The following TP53BP2 variants were observed in gnomAD, a reference collection of about 807,000 sequenced individuals.
The protein encoded by TP53BP2 is apoptosis-stimulating of p53 protein 2.
A neutral mutation model predicts 126.2 loss-of-function variants in TP53BP2; 62 were observed. The observed-to-expected ratio is 0.49, with a 90% confidence interval of 0.40 to 0.61. TP53BP2 has a LOEUF of 0.61. Among genes scored for constraint, TP53BP2 ranks in the 20% least tolerant of loss-of-function variants. The pLI is 0.00. For synonymous variants in TP53BP2, 485 were observed against 502.9 expected, an observed-to-expected ratio of 0.96 and a Z score of 0.48; for missense variants, 1,215 against 1,402.8, an observed-to-expected ratio of 0.87 and a Z score of 2.14.
At chr1:223,802,431 T>C in intron 8 of TP53BP2, 87 bp from the exon 9 acceptor site, 1 of 1,341,284 alleles carries the variant, frequency 7.5e-7, no homozygotes. Flanking sequence ...TTTCTTACTT[T>C]TTAAAATGAG....
intron 7 of TP53BP2, 130 bp downstream of exon 7, chr1:223,803,141 G>T: frequency 1.7e-6 from 2 of 1,150,106 alleles, no homozygotes; most frequent in Non-Finnish European, 2.5e-6. Flanking sequence ...TCTGGAGTTT[G>T]GGTTCCCCCC....
chr1:223,803,998 T>TA (rs772936899), intron 6 of TP53BP2, among the ~76,000 whole-genome samples, 176 bp downstream of exon 6: 11 of 152,188 alleles, frequency 7.2e-5, no homozygotes, highest in Non-Finnish European at 1.2e-4. Context: ...TAAAGTTATC[T>TA]ACAGATCAAC....
intron 2 of TP53BP2, chr1:223,818,343 A>C (rs946403356): frequency 1.3e-5 from 2 of 151,980 alleles, no homozygotes; most frequent in African/African-American, 4.8e-5. Flanking sequence ...CTCTACTAAA[A>C]ATACAAAAAA....
chr1:223,817,140 C>T (rs766846397), intron 2 of TP53BP2, among the ~76,000 whole-genome samples: 3 of 149,380 alleles, frequency 2.0e-5, no homozygotes, highest in Non-Finnish European at 4.4e-5. Context: ...CCAGCCTGGG[C>T]GACACAGCAA....
intron 14 of TP53BP2, among the ~76,000 whole-genome samples, chr1:223,792,819 C>A (rs1172786597): frequency 6.6e-6 from 1 of 150,856 alleles, no homozygotes. Context: ...CAGCTTCTCA[C>A]CACAAATTAG....
rs754183423 is a variant in TP53BP2 at position 223,796,133 on chromosome 1, G to T, written c.2406C>A (p.Pro802=). The T allele has an allele frequency of 6.2e-7, 1 of 1,614,072 alleles. No individual in the cohort carries two copies. The highest frequency in any genetic ancestry group is 1.3e-5 in the African/African-American group (1 of 75,010). Residue 802 remains proline (P), a synonymous_variant, in exon 13 of 18, where the codon CCC becomes CCA. Transcript: ENST00000343537. This position sits in a 1 kb window ranked among gnomAD's most constrained non-coding sequence, Gnocchi z 4.2. ...EIQNPYLHVE[P]EKEVVSLVPE... ...GAACCAGAGAGACCACCTCCTTTTC[G>T]GGCTCCACATGTAAATATGGATTCT... is the stretch of plus-strand genomic sequence containing the variant.
intron 1 of TP53BP2, 80 bp from the exon 2 acceptor site, chr1:223,821,447 C>T: frequency 6.3e-7 from 1 of 1,583,810 alleles, no homozygotes; most frequent in Non-Finnish European, 8.7e-7. Flanking sequence ...TTTCTCCAAA[C>T]AAAATCTCAG....
At chr1:223,791,290 AT>A (rs896799531) in intron 15 of TP53BP2, among the ~76,000 whole-genome samples, 14 of 147,778 alleles carry the variant, frequency 9.5e-5, no homozygotes, top group South Asian at 2.1e-4. Flanking sequence ...ATAAAAAATA[AT>A]TTTTTTTTAA....
At chr1:223,818,155 G>C (rs1037458665) in intron 2 of TP53BP2, 1 of 152,508 alleles carries the variant, frequency 6.6e-6, no homozygotes, top group African/African-American at 2.4e-5. Flanking sequence ...TACATCAAGA[G>C]ATCAGGGGAA....
Position 223,802,321 on chromosome 1 carries a change from G to A in TP53BP2, c.1020C>T (p.Pro340=), listed in dbSNP as rs746022899. Residue 340 remains proline (P), a synonymous_variant, in exon 9 of 18, where the codon CCC becomes CCT. Coordinates refer to ENST00000343537, the MANE Select transcript of TP53BP2 (RefSeq NM_001031685.3). ...NLPVSSDGNL[P]QQAASAPSRV... ...GGCTTGGGGCTGACGCGGCTTGCTG[G>A]GGAAGATTTCCATCAGATGAAACCT... 8.1e-6 allele frequency: 13 copies of A among 1,613,978 alleles called. No individual in the cohort carries two copies. Among genetic ancestry groups the A allele is most frequent in the Non-Finnish European group, 8.5e-6 (10 of 1,180,020 alleles).
intron 17 of TP53BP2, among the ~76,000 whole-genome samples, chr1:223,783,118 T>G (rs1197437717): frequency 6.6e-6 from 1 of 152,124 alleles, no homozygotes; most frequent in African/African-American, 2.4e-5. Context: ...GATGCCAGAG[T>G]AGAAGCTCCA....
chr1:223,828,274 T>A (rs578190717), intron 1 of TP53BP2, among the ~76,000 whole-genome samples: 59 of 152,304 alleles, frequency 3.9e-4, no homozygotes, highest in Non-Finnish European at 5.4e-4. Flanking sequence ...TATCCTATTA[T>A]GCATACACAT....
chr1:223,800,854 G>A, intron 9 of TP53BP2, 44 bp from the exon 10 acceptor site: 1 of 1,430,222 alleles, frequency 7.0e-7, no homozygotes, highest in South Asian at 1.3e-5. Flanking sequence ...GCATTCTAAA[G>A]AGATTTTTAA....
intron 4 of TP53BP2, 106 bp downstream of exon 4, chr1:223,810,325 G>T: frequency 1.4e-6 from 1 of 701,952 alleles, no homozygotes; most frequent in Non-Finnish European, 2.2e-6. Context: ...TTTAAAAAGC[G>T]GCCATCCTTA....
In TP53BP2 at chr1:223,798,473, T is replaced by G. The variant is rs1662413682; in HGVS notation, c.1690A>C (p.Ser564Arg). The change falls in exon 12 of 18, where the codon AGC becomes CGC. Residue 564 changes from serine to arginine, a missense_variant. Coordinates refer to ENST00000343537, the MANE Select transcript of TP53BP2 (RefSeq NM_001031685.3). The part of the protein sequence containing the change: ...GQQPRVLLSP[S>R]IPSVGQDQTL... The stretch of plus-strand genomic sequence containing the variant: ...TGGTCTTGGCCAACCGAAGGTATGC[T>G]GGGAGATAGCAGCACTCTCGGCTGC... 6.2e-7 allele frequency: 1 copy of G among 1,614,086 alleles called. No homozygotes were observed. The highest frequency in any genetic ancestry group is 8.5e-7 in the Non-Finnish European group (1 of 1,180,038).
chr1:223,827,714 A>G (rs879402692), intron 1 of TP53BP2, among the ~76,000 whole-genome samples: 2 of 152,246 alleles, frequency 1.3e-5, no homozygotes, highest in Admixed American at 6.5e-5. Context: ...AACTATAGAT[A>G]TAAGTATATC....
At chr1:223,797,506 A>C (rs1220433169) in intron 12 of TP53BP2, among the ~76,000 whole-genome samples, 2 of 151,744 alleles carry the variant, frequency 1.3e-5, no homozygotes, top group Non-Finnish European at 2.9e-5. Flanking sequence ...TCCGCCTCCC[A>C]GGTTCAAGCA....
intron 16 of TP53BP2, among the ~76,000 whole-genome samples, chr1:223,787,705 C>G (rs908711745): frequency 9.9e-5 from 15 of 152,100 alleles, no homozygotes; most frequent in African/African-American, 3.6e-4. Context: ...TGGCAAAATT[C>G]CATCTCTACT....
chr1:223,814,746 T>TA lies in TP53BP2; in HGVS notation c.176-394dup, dbSNP rs552928458. On this transcript the variant is annotated intron_variant, in intron 2 of 17. Coordinates refer to ENST00000343537, the MANE Select transcript of TP53BP2 (RefSeq NM_001031685.3). ...TTCTCCGAATATACAAAGAAAATATTAAAAAGCAACTTTCTAAATAGCCTA... is the reference window on the plus strand; with the variant it reads ...TTCTCCGAATATACAAAGAAAATATTAAAAAAGCAACTTTCTAAATAGCCTA... Among the ~76,000 whole-genome samples the TA allele has an allele frequency of 1.1e-3, 172 of 152,176 alleles. 1 individual carries two copies. Among genetic ancestry groups the TA allele is most frequent in the African/African-American group, 4.0e-3 (165 of 41,510 alleles).
Sources: gnomAD v4.1 joint callset for allele counts (sites outside exome capture counted in the v4.1 genomes callset) on GRCh38, gnomAD v4.1.1 for gene constraint, Gnocchi (gnomAD v3.1) non-coding constraint, MANE v1.5 for transcripts, NCBI Gene and HGNC (gene_info 2026-07-23, HGNC 2026-07-21) for gene names.